TBC1D19: variants seen among roughly 807,000 people sequenced by gnomAD.
TBC1D19 encodes the protein TBC1 domain family member 19.
In TBC1D19, 60 loss-of-function variants were observed where a neutral mutation model predicts 89.0. The ratio of observed to expected loss-of-function variants is 0.67; its 90% CI spans 0.55 to 0.84. The LOEUF (loss-of-function observed/expected upper bound fraction) is 0.84, where lower values mean the gene tolerates loss of function less well. Ranked by LOEUF, TBC1D19 falls within the 40% of genes least tolerant of loss-of-function variation. TBC1D19 has a pLI of 0.00. For synonymous variants in TBC1D19, 189 were observed against 199.7 expected (o/e 0.95, Z 0.45); for missense variants, 500 against 610.8 (o/e 0.82, Z 1.91).
At chr4:26,703,164 T>C (rs1405786034) in intron 13 of TBC1D19, among the ~76,000 whole-genome samples, 1 of 152,216 alleles carries the variant, frequency 6.6e-6, no homozygotes, top group Non-Finnish European at 1.5e-5. Flanking sequence ...TTACAACATC[T>C]AAGCATCTCT....
At chr4:26,765,698 G>A in the TBC1D19 span, among the ~76,000 whole-genome samples, 1 of 152,074 alleles carries the variant, frequency 6.6e-6, no homozygotes, top group African/African-American at 2.4e-5. Flanking sequence ...AGCCTGATAT[G>A]GTCTAATCAA....
At chr4:26,619,647 A>AT (rs941972492) in intron 3 of TBC1D19, among the ~76,000 whole-genome samples, 3 of 152,256 alleles carry the variant, frequency 2.0e-5, no homozygotes, top group South Asian at 4.1e-4. Context: ...AGAGACTTAA[A>AT]TTTTTTTTCA....
At chr4:26,656,969 T>C (rs149005001) in intron 7 of TBC1D19, among the ~76,000 whole-genome samples, 1 of 41,748 alleles carries the variant, frequency 2.4e-5, no homozygotes, top group African/African-American at 6.4e-5. Context: ...TTCTTCTTCT[T>C]CTTCTTCTTC....
At chr4:26,578,703 T>C (rs1197451479) in intron 1 of TBC1D19, among the ~76,000 whole-genome samples, 1 of 152,178 alleles carries the variant, frequency 6.6e-6, no homozygotes, top group Non-Finnish European at 1.5e-5. Context: ...GCTCTACTGT[T>C]AGCTGAAACC....
intron 1 of TBC1D19, among the ~76,000 whole-genome samples, chr4:26,597,253 G>A (rs1740283286): frequency 6.6e-6 from 1 of 151,990 alleles, no homozygotes. Context: ...TATTTTTAGT[G>A]GTTATATACA....
At chr4:26,777,309 A>G in the TBC1D19 span, among the ~76,000 whole-genome samples, 1 of 151,596 alleles carries the variant, frequency 6.6e-6, no homozygotes, top group Non-Finnish European at 1.5e-5. Context: ...TAATGTTTGT[A>G]TTTTTAGTGG....
intron 3 of TBC1D19, among the ~76,000 whole-genome samples, chr4:26,616,004 G>A (rs1415041838): frequency 6.6e-6 from 1 of 151,758 alleles, no homozygotes; most frequent in East Asian, 1.9e-4. Flanking sequence ...CATATTGTTG[G>A]CATTCTGTAC....
At chr4:26,784,320 T>C in the TBC1D19 span, among the ~76,000 whole-genome samples, 4 of 152,136 alleles carry the variant, frequency 2.6e-5, no homozygotes, top group African/African-American at 9.7e-5. Context: ...TAGTAAAGAA[T>C]CTTGGAGACT....
At chr4:26,597,379 C>T (rs192239606) in intron 1 of TBC1D19, among the ~76,000 whole-genome samples, 4 of 152,246 alleles carry the variant, frequency 2.6e-5, no homozygotes, top group African/African-American at 9.6e-5. Context: ...GTTATTATAG[C>T]TGCATTAGGT....
intron 1 of TBC1D19, 23 bp downstream of exon 1, chr4:26,584,315 G>A (rs769906258): frequency 6.3e-7 from 1 of 1,591,858 alleles, no homozygotes; most frequent in East Asian, 2.3e-5. Flanking sequence ...GAGTGGGAAG[G>A]GATGCAGACG....
chr4:26,589,424 A>G (rs947897502), intron 1 of TBC1D19, among the ~76,000 whole-genome samples: 2 of 152,120 alleles, frequency 1.3e-5, no homozygotes, highest in African/African-American at 4.8e-5. Context: ...CCTGTTCCTC[A>G]GGGGGAGATC....
chr4:26,600,323 C>A (rs995368149), intron 1 of TBC1D19, among the ~76,000 whole-genome samples: 2 of 152,052 alleles, frequency 1.3e-5, no homozygotes, highest in Non-Finnish European at 2.9e-5. Flanking sequence ...TCCTTTAATC[C>A]TGAAAAGTTA....
intron 12 of TBC1D19, among the ~76,000 whole-genome samples, chr4:26,684,259 C>T (rs1369111066): frequency 1.3e-5 from 2 of 152,160 alleles, no homozygotes; most frequent in African/African-American, 2.4e-5. Context: ...GCTGAGTTAA[C>T]GCTTTCATCA....
chr4:26,842,384 A>C, the TBC1D19 span, among the ~76,000 whole-genome samples: 1 of 113,372 alleles, frequency 8.8e-6, no homozygotes. Context: ...TCACTCTGTC[A>C]CCCAGGCTGG....
intron 7 of TBC1D19, among the ~76,000 whole-genome samples, chr4:26,653,814 T>C (rs576013499): frequency 4.3e-4 from 65 of 152,314 alleles, no homozygotes; most frequent in Non-Finnish European, 7.8e-4. Flanking sequence ...TGATGGGTCT[T>C]TACTCTTTCT....
the TBC1D19 span, among the ~76,000 whole-genome samples, chr4:26,831,578 C>CTTTTTTTTTTTTCTTTT: frequency 1.6e-5 from 2 of 123,372 alleles, no homozygotes; most frequent in African/African-American, 4.0e-5. Context: ...TCTTTTTCTT[C>CTTTTTTTTTTTTCTTTT]TTTTTTTTTT....
At chr4:26,585,882 G>A (rs779991763) in intron 1 of TBC1D19, among the ~76,000 whole-genome samples, 1 of 151,568 alleles carries the variant, frequency 6.6e-6, no homozygotes. Context: ...ACCACACCCT[G>A]CCCAGTCTGT....
At chr4:26,748,320 T>C in intron 18 of TBC1D19, 91 bp from the exon 19 acceptor site, 1 of 862,052 alleles carries the variant, frequency 1.2e-6, no homozygotes, top group Non-Finnish European at 1.9e-6. Flanking sequence ...TCTAAGACTC[T>C]TGAATAGAAT....
At chr4:26,597,912 A>G (rs1250172094) in intron 1 of TBC1D19, among the ~76,000 whole-genome samples, 1 of 152,134 alleles carries the variant, frequency 6.6e-6, no homozygotes, top group Non-Finnish European at 1.5e-5. Flanking sequence ...CACTAGAGTT[A>G]CAGCACTTAT....
Sources: gnomAD v4.1 joint callset for allele counts (sites outside exome capture counted in the v4.1 genomes callset) on GRCh38, gnomAD v4.1.1 for gene constraint, MANE v1.5 for transcripts, NCBI Gene and HGNC (gene_info 2026-07-23, HGNC 2026-07-21) for gene names.